The following STS variants were observed in gnomAD, a reference collection of about 807,000 sequenced individuals.
STS encodes steroid sulfatase, also known as steryl-sulfatase.
In STS, 7 loss-of-function variants were observed where a neutral mutation model predicts 26.8. The observed-to-expected ratio is 0.26, with a 90% CI of 0.15 to 0.49. The LOEUF is 0.49. Among genes scored for constraint, STS ranks in the 20% least tolerant of loss-of-function variants. The pLI is 0.98. For missense variants in STS, 434 were observed against 465.6 expected (o/e 0.93, Z 0.63); for synonymous variants, 199 against 189.4 (o/e 1.05, Z -0.42).
chrX:7,210,485 A>G (rs1252148920), intron 2 of STS, among the ~76,000 whole-genome samples: 2 of 107,432 alleles, frequency 1.9e-5, no homozygotes, highest in Non-Finnish European at 3.8e-5. Flanking sequence ...TTTTAAATAA[A>G]TTTTTAAATA....
chrX:7,288,529 G>A (rs1450157033), intron 7 of STS, among the ~76,000 whole-genome samples: 1 of 110,852 alleles, frequency 9.0e-6, no homozygotes, highest in African/African-American at 3.3e-5. Context: ...ATTTTCAGAT[G>A]TAGAATACTC....
intron 7 of STS, among the ~76,000 whole-genome samples, chrX:7,299,962 T>G (rs758761545): frequency 1.6e-4 from 18 of 111,880 alleles, no homozygotes; most frequent in Non-Finnish European, 2.8e-4. Context: ...TTTGAAACCC[T>G]TCTCTCTCTG....
chrX:7,263,737 A>G (rs1923863400), intron 6 of STS, among the ~76,000 whole-genome samples: 1 of 111,946 alleles, frequency 8.9e-6, no homozygotes, highest in African/African-American at 3.2e-5. Context: ...AAGAAAATCT[A>G]TAGTTTGGTG....
intron 2 of STS, among the ~76,000 whole-genome samples, chrX:7,213,958 G>A (rs1170534520): frequency 8.1e-5 from 9 of 110,775 alleles, no homozygotes; most frequent in African/African-American, 1.6e-4. Context: ...TGGTACCTGC[G>A]TGTAGTCCCA....
intron 9 of STS, among the ~76,000 whole-genome samples, chrX:7,328,494 A>G (rs1370482148): frequency 3.7e-5 from 4 of 109,488 alleles, no homozygotes; most frequent in African/African-American, 1.0e-4. Context: ...AACTCTCAAT[A>G]TTGAAGATTC....
intron 9 of STS, among the ~76,000 whole-genome samples, chrX:7,328,153 C>A (rs1418132942): frequency 2.7e-5 from 3 of 111,895 alleles, no homozygotes; most frequent in Non-Finnish European, 5.6e-5. Context: ...AATACTTCCT[C>A]AAGTAGCTAG....
At chrX:7,270,322 C>T (rs1308554044) in intron 6 of STS, among the ~76,000 whole-genome samples, 1 of 111,917 alleles carries the variant, frequency 8.9e-6, no homozygotes, top group Non-Finnish European at 1.9e-5. Context: ...CCCAGATCTC[C>T]TTCCTGAGCC....
At chrX:7,346,163 C>T (rs1317085073) in intron 10 of STS, among the ~76,000 whole-genome samples, 1 of 111,973 alleles carries the variant, frequency 8.9e-6, no homozygotes, top group Non-Finnish European at 1.9e-5. Flanking sequence ...GCTTAGGCAT[C>T]AACTTTTTCT....
chrX:7,295,818 A>G (rs1158889883), intron 7 of STS, among the ~76,000 whole-genome samples: 6 of 111,800 alleles, frequency 5.4e-5, no homozygotes, highest in African/African-American at 1.9e-4. Flanking sequence ...TGCAAAACAT[A>G]AAAGATGAGT....
At chrX:7,320,151 TA>T (rs1310755001) in intron 8 of STS, among the ~76,000 whole-genome samples, 2 of 100,226 alleles carry the variant, frequency 2.0e-5, no homozygotes, top group Middle Eastern at 4.9e-3. Flanking sequence ...TATATTTATA[TA>T]TTTTTTATTA....
chrX:7,253,156 G>T (rs761283494), intron 2 of STS, 40 bp from the exon 3 acceptor site: 5 of 1,206,527 alleles, frequency 4.1e-6, no homozygotes, highest in Non-Finnish European at 5.6e-6. Flanking sequence ...GTCTCAAGCT[G>T]ACATCCTTCA....
At chrX:7,209,828 A>G (rs1920985975) in intron 2 of STS, among the ~76,000 whole-genome samples, 1 of 109,451 alleles carries the variant, frequency 9.1e-6, no homozygotes, top group South Asian at 3.9e-4. Context: ...CTCTGTGTCC[A>G]TGTGTTCTCA....
intron 2 of STS, among the ~76,000 whole-genome samples, chrX:7,210,556 A>G (rs938507700): frequency 1.9e-5 from 2 of 107,501 alleles, no homozygotes; most frequent in Non-Finnish European, 3.8e-5. Context: ...CTTAATACAT[A>G]TTAAATATAT....
chrX:7,184,419 A>T (rs1389860373), intron 1 of STS, among the ~76,000 whole-genome samples: 1 of 112,668 alleles, frequency 8.9e-6, no homozygotes, highest in Non-Finnish European at 1.9e-5. Flanking sequence ...TGGAATTTTT[A>T]AAAAATCATT....
intron 2 of STS, among the ~76,000 whole-genome samples, chrX:7,244,589 G>C (rs2147072781): frequency 9.0e-6 from 1 of 111,653 alleles, no homozygotes; most frequent in African/African-American, 3.3e-5. Context: ...GTTTCAGCTG[G>C]GGACAGTTGT....
At chrX:7,299,046 TATAA>T (rs1287359419) in intron 7 of STS, among the ~76,000 whole-genome samples, 341 of 44,422 alleles carry the variant, frequency 7.7e-3, no homozygotes, top group African/African-American at 0.023. Flanking sequence ...TATATTTATA[TATAA>T]ATAAATATAT....
intron 8 of STS, among the ~76,000 whole-genome samples, chrX:7,324,374 C>T (rs1238753424): frequency 9.0e-6 from 1 of 111,158 alleles, no homozygotes; most frequent in Non-Finnish European, 1.9e-5. Context: ...GTACGTGTTT[C>T]TTATCAGACT....
chrX:7,171,350 A>G lies in STS; in HGVS notation c.-133-19530A>G, dbSNP rs770914618. ...AGGGGTCTCTGACTTTTCCATTGCC[A>G]CCTGCCCTCTCTCAGCTCTCTACCC... is the stretch of plus-strand genomic sequence containing the variant. On this transcript the variant is annotated intron_variant, in intron 1 of 10. Transcript: ENST00000674429. Among the ~76,000 whole-genome samples the G allele has an allele frequency of 1.4e-4, 16 of 111,032 alleles. No individual in the cohort carries two copies. In the East Asian group the frequency reaches 3.4e-3, roughly 24 times the overall value.
At chrX:7,342,210 A>G (rs1339058234) in intron 10 of STS, among the ~76,000 whole-genome samples, 1 of 111,439 alleles carries the variant, frequency 9.0e-6, no homozygotes, top group African/African-American at 3.3e-5. Flanking sequence ...GAGAGGAAAT[A>G]ATCCAGCCAG....
Sources: gnomAD v4.1 joint callset for allele counts (sites outside exome capture counted in the v4.1 genomes callset) on GRCh38, gnomAD v4.1.1 for gene constraint, MANE v1.5 for transcripts, NCBI Gene and HGNC (gene_info 2026-07-23, HGNC 2026-07-21) for gene names.